Variants in SLC24A2 observed in about 807,000 individuals in gnomAD.
SLC24A2 encodes the protein sodium/potassium/calcium exchanger 2.
A neutral mutation model predicts 62.0 loss-of-function variants in SLC24A2; 36 were observed. The observed-to-expected ratio is 0.58, with a 90% CI of 0.44 to 0.77. SLC24A2 has a LOEUF of 0.77. Among genes scored for constraint, SLC24A2 ranks in the 30% least tolerant of loss-of-function variants. The pLI is 0.00. For missense variants in SLC24A2, 846 were observed against 817.9 expected, an observed-to-expected ratio of 1.03 and a Z score of -0.42; for synonymous variants, 358 against 294.0, an observed-to-expected ratio of 1.22 and a Z score of -2.23.
chr9:20,233,426 T>G, the SLC24A2 span, among the ~76,000 whole-genome samples: 1 of 152,340 alleles, frequency 6.6e-6, no homozygotes, highest in South Asian at 2.1e-4. Flanking sequence ...TGGGTGCATA[T>G]ATATTTAGGA....
At chr9:20,028,277 C>G in the SLC24A2 span, among the ~76,000 whole-genome samples, 3 of 152,170 alleles carry the variant, frequency 2.0e-5, no homozygotes, top group African/African-American at 7.2e-5. Flanking sequence ...ATTTTACCAG[C>G]CTAAGCTTTG....
chr9:20,009,594 C>A, the SLC24A2 span, among the ~76,000 whole-genome samples: 1 of 152,136 alleles, frequency 6.6e-6, no homozygotes. Context: ...CCCAAGTGCT[C>A]TCCCTAAGTC....
At chr9:19,935,121 A>G in the SLC24A2 span, among the ~76,000 whole-genome samples, 1 of 150,950 alleles carries the variant, frequency 6.6e-6, no homozygotes, top group African/African-American at 2.4e-5. Context: ...TGGGTGGAAA[A>G]TATTTCTCAA....
chr9:19,802,201 A>G, the SLC24A2 span, among the ~76,000 whole-genome samples: 28 of 152,232 alleles, frequency 1.8e-4, no homozygotes, highest in Non-Finnish European at 2.2e-4. Flanking sequence ...GCCAATGTCT[A>G]GTAAACAATG....
the SLC24A2 span, among the ~76,000 whole-genome samples, chr9:19,919,233 C>G: frequency 6.6e-6 from 1 of 152,088 alleles, no homozygotes; most frequent in African/African-American, 2.4e-5. Flanking sequence ...GCTTAGTAAG[C>G]AAACAGGCCC....
At chr9:19,998,713 A>G in the SLC24A2 span, among the ~76,000 whole-genome samples, 2 of 152,240 alleles carry the variant, frequency 1.3e-5, no homozygotes, top group Admixed American at 6.5e-5. Flanking sequence ...TTGTCTGCCC[A>G]TATTGCTGTG....
the SLC24A2 span, among the ~76,000 whole-genome samples, chr9:20,144,638 C>T: frequency 2.0e-5 from 3 of 152,106 alleles, no homozygotes; most frequent in African/African-American, 7.2e-5. Context: ...GTGCAGGCAT[C>T]CCCCAGTGCA....
chr9:20,208,765 G>A, the SLC24A2 span, among the ~76,000 whole-genome samples: 1 of 152,204 alleles, frequency 6.6e-6, no homozygotes, highest in African/African-American at 2.4e-5. Flanking sequence ...ACTCAAGAGA[G>A]TCATGACCGT....
At chr9:19,564,903 G>C (rs73648717) in intron 7 of SLC24A2, among the ~76,000 whole-genome samples, 1 of 152,110 alleles carries the variant, frequency 6.6e-6, no homozygotes, top group South Asian at 2.1e-4. Flanking sequence ...AGTGTATGTG[G>C]GCCAAGTGCA....
At chr9:20,069,544 C>G in the SLC24A2 span, among the ~76,000 whole-genome samples, 1 of 152,080 alleles carries the variant, frequency 6.6e-6, no homozygotes, top group Non-Finnish European at 1.5e-5. Flanking sequence ...TTGCTGGCAC[C>G]CCAAAACCAT....
chr9:19,639,458 T>C (rs893965058), intron 2 of SLC24A2, among the ~76,000 whole-genome samples: 7 of 152,234 alleles, frequency 4.6e-5, no homozygotes, highest in African/African-American at 7.2e-5. Context: ...CTTATACCTC[T>C]GCCCAGCTGC....
At position 19,759,408 on chromosome 9, in the gene SLC24A2, G is replaced by A. The variant is rs146287224; in HGVS notation, c.930+26529C>T. On this transcript the variant is annotated intron_variant, in intron 2 of 10. Transcript: ENST00000341998. ...AAGGAATAGATTAATATTCTGCACA[G>A]ATTCTGCCAGCTTTTCAACTGCAAA... 2.2e-4 allele frequency among the ~76,000 whole-genome samples: 34 copies of A among 152,282 alleles called. No individual in the cohort carries two copies. In the East Asian group the frequency reaches 6.2e-3, roughly 28 times the overall value.
At chr9:20,197,548 C>T in the SLC24A2 span, among the ~76,000 whole-genome samples, 1 of 150,840 alleles carries the variant, frequency 6.6e-6, no homozygotes, top group African/African-American at 2.4e-5. Flanking sequence ...ACTCCCAGCT[C>T]ACCCTCCCGA....
At chr9:20,050,551 T>A in the SLC24A2 span, among the ~76,000 whole-genome samples, 1 of 152,344 alleles carries the variant, frequency 6.6e-6, no homozygotes, top group East Asian at 1.9e-4. Context: ...GCTTATTATA[T>A]GTGAGAATCA....
At chr9:20,197,054 G>A in the SLC24A2 span, among the ~76,000 whole-genome samples, 6 of 152,124 alleles carry the variant, frequency 3.9e-5, no homozygotes, top group African/African-American at 1.4e-4. Flanking sequence ...TTGAACATTG[G>A]ATTAGGTTGT....
chr9:19,820,005 A>ATATG, the SLC24A2 span, among the ~76,000 whole-genome samples: 16 of 125,258 alleles, frequency 1.3e-4, no homozygotes, highest in Non-Finnish European at 1.8e-4. Context: ...ATATATATAT[A>ATATG]TGTGTATATA....
chr9:19,519,761 G>C (rs1833101317), intron 10 of SLC24A2, among the ~76,000 whole-genome samples: 1 of 152,192 alleles, frequency 6.6e-6, no homozygotes, highest in African/African-American at 2.4e-5. Flanking sequence ...GAGAAATCAG[G>C]ATTTAAGTTG....
the SLC24A2 span, among the ~76,000 whole-genome samples, chr9:19,834,196 C>A: frequency 6.6e-6 from 1 of 152,158 alleles, no homozygotes; most frequent in Non-Finnish European, 1.5e-5. Flanking sequence ...AACGCAGCTC[C>A]TCAGTGCAAT....
the SLC24A2 span, among the ~76,000 whole-genome samples, chr9:20,292,809 C>G: frequency 7.2e-4 from 110 of 152,306 alleles, 1 homozygote; most frequent in African/African-American, 2.5e-3. Context: ...AGGCTAGTCT[C>G]AAACTCCTGG....
Sources: allele counts gnomAD v4.1 joint callset (sites outside exome capture counted in the v4.1 genomes callset), GRCh38; gene constraint gnomAD v4.1.1; transcripts MANE v1.5; gene names NCBI Gene and HGNC (gene_info 2026-07-23, HGNC 2026-07-21).